Variants in LRP2 observed in about 807,000 individuals in gnomAD.
LRP2 encodes the protein low-density lipoprotein receptor-related protein 2.
Under a neutral mutation model 531.0 loss-of-function variants are expected in LRP2, and 172 were observed. That is an observed-to-expected ratio of 0.32 (90% CI 0.29 to 0.37). The LOEUF is 0.37. LRP2 is among the 10% of genes least tolerant of loss of function. The pLI, the probability that LRP2 is intolerant of heterozygous loss-of-function variation, is 1.00. For synonymous variants in LRP2, 1,992 were observed against 2,027.6 expected, an observed-to-expected ratio of 0.98 and a Z score of 0.47; for missense variants, 5,167 against 5,868.3, an observed-to-expected ratio of 0.88 and a Z score of 3.90.
At chr2:169,203,674 A>T (rs371362783) in intron 42 of LRP2, among the ~76,000 whole-genome samples, 2 of 152,156 alleles carry the variant, frequency 1.3e-5, no homozygotes, top group Non-Finnish European at 2.9e-5. Context: ...GGAGAATGGC[A>T]TGAACCCAGG....
intron 42 of LRP2, 45 bp downstream of exon 42, chr2:169,203,937 T>A (rs749869433): frequency 6.3e-7 from 1 of 1,598,236 alleles, no homozygotes; most frequent in East Asian, 2.2e-5. Flanking sequence ...ATTGGTATTG[T>A]GATCATTATT....
chr2:169,218,425 T>C (rs1688872297), intron 34 of LRP2, among the ~76,000 whole-genome samples: 2 of 152,158 alleles, frequency 1.3e-5, no homozygotes, highest in South Asian at 4.1e-4. Context: ...AGCACTATCA[T>C]CCCAATTTTT....
chr2:169,309,282 A>T (rs1684521645), intron 3 of LRP2, among the ~76,000 whole-genome samples: 1 of 152,036 alleles, frequency 6.6e-6, no homozygotes, highest in African/African-American at 2.4e-5. Context: ...GGTGTTTTAG[A>T]CATGAAGTCC....
rs541423576 is a variant in LRP2 at position 169,143,418 on chromosome 2, G to A, written c.12989-625C>T. On this transcript the variant is annotated intron_variant, in intron 70 of 78. Coordinates refer to ENST00000649046, the MANE Select transcript of LRP2 (RefSeq NM_004525.3). The stretch of plus-strand genomic sequence containing the variant: ...AGCACTTTGGGAGGCCGCTTTGGGC[G>A]GATCACGAGGTCAGGAGATCGAGAC... Among the ~76,000 whole-genome samples, 8 of 152,232 alleles carry A rather than the reference G, an allele frequency of 5.3e-5. No homozygotes were observed. In the East Asian group the frequency reaches 5.8e-4, roughly 11 times the overall value.
chr2:169,206,797 T>C lies in LRP2; in HGVS notation c.6923A>G (p.Glu2308Gly). ...TATCACTGTGGGTGGCTCTGTGTTCTCTGGTTCCTTGCTGGCTTGGAAGAT... is the reference window on the plus strand; with the variant it reads ...TATCACTGTGGGTGGCTCTGTGTTCCCTGGTTCCTTGCTGGCTTGGAAGAT... ...KKIFQASKEP[E>G]NTEPPTVIRD... Residue 2308 changes from glutamate (E) to glycine (G), a missense_variant, in exon 39 of 79, where the codon GAG (glutamate) becomes GGG (glycine). Physicochemically the swap from Glu to Gly is moderately conservative, Grantham distance 98. This residue lies in a region of LRP2 where 2,811 missense variants were observed against 3,058.0 expected (regional missense o/e 0.92). Coordinates refer to ENST00000649046, the MANE Select transcript of LRP2 (RefSeq NM_004525.3). 6.2e-7 allele frequency: 1 copy of C among 1,614,180 alleles called. No individual in the cohort carries two copies. Among genetic ancestry groups the C allele is most frequent in the East Asian group, 2.2e-5 (1 of 44,888 alleles).
chr2:169,294,107 C>T, intron 6 of LRP2, 41 bp downstream of exon 6: 1 of 1,387,600 alleles, frequency 7.2e-7, no homozygotes, highest in Non-Finnish European at 1.0e-6. Context: ...CAAAACAAAA[C>T]ACTCCCAACA....
chr2:169,244,455 G>A (rs1253021116), intron 22 of LRP2, among the ~76,000 whole-genome samples: 2 of 152,172 alleles, frequency 1.3e-5, no homozygotes, highest in Non-Finnish European at 2.9e-5. Flanking sequence ...GGCATCAGAG[G>A]CAGTCCTTGC....
Position 169,162,491 on chromosome 2 carries a change from C to G in LRP2, c.11868G>C (p.Trp3956Cys), listed in dbSNP as rs1686625152. Residue 3956 changes from tryptophan to cysteine, a missense_variant, in exon 63 of 79, where the codon TGG (tryptophan) becomes TGC (cysteine). Around this residue, in one of 6 missense-constraint regions of LRP2, gnomAD observed 564 missense variants for 747.7 expected, o/e 0.75. Transcript: ENST00000649046. The stretch of plus-strand genomic sequence containing the variant: ...ACTTACTGCAACCCAGTTCATCGGA[C>G]CAGTCACCACAGTCATCGGCATCAT... Reference protein sequence around the residue: ...VCDDADDCGDWSDELGCNKGK... With the variant: ...VCDDADDCGDCSDELGCNKGK... 1 of 1,614,082 alleles carries G rather than the reference C, an allele frequency of 6.2e-7. No individual in the cohort carries two copies. The highest frequency in any genetic ancestry group is 1.7e-5 in the Admixed American group (1 of 60,006).
intron 33 of LRP2, among the ~76,000 whole-genome samples, chr2:169,221,657 C>T (rs993599349): frequency 3.3e-5 from 5 of 152,182 alleles, no homozygotes; most frequent in South Asian, 2.1e-4. Context: ...CTCATACATG[C>T]GTGTGCACGT....
chr2:169,319,265 A>G (rs1684848982), intron 2 of LRP2, among the ~76,000 whole-genome samples: 1 of 152,234 alleles, frequency 6.6e-6, no homozygotes, highest in Admixed American at 6.5e-5. Context: ...ATGAACTGGA[A>G]AATTCATGAG....
chr2:169,248,466 C>T (rs1269653226), intron 19 of LRP2, among the ~76,000 whole-genome samples: 1 of 152,214 alleles, frequency 6.6e-6, no homozygotes, highest in East Asian at 1.9e-4. Flanking sequence ...AAGGCATCCT[C>T]ATATACTTAA....
chr2:169,320,677 G>T, intron 2 of LRP2, 100 bp downstream of exon 2: 1 of 971,838 alleles, frequency 1.0e-6, no homozygotes, highest in Non-Finnish European at 1.7e-6. Flanking sequence ...ACCTGGCTCT[G>T]TCACTAAAAG....
At position 169,239,693 on chromosome 2, in the gene LRP2, T is replaced by C. The variant is rs755371418; in HGVS notation, c.4128A>G (p.Pro1376=). The change falls in exon 26 of 79, where the codon CCA becomes CCG. Residue 1376 remains proline (P), a synonymous_variant. Transcript: ENST00000649046. The part of the protein sequence containing the change: ...QEPFGAKCLC[P]LGFLLANDSK... ...AATCATTGGCAAGTAAGAATCCCAA[T>C]GGACATAGGCATTTAGCCCCAAAGG... 1.9e-6 allele frequency: 3 copies of C among 1,613,974 alleles called. No individual in the cohort carries two copies. Among genetic ancestry groups the C allele is most frequent in the South Asian group, 1.1e-5 (1 of 91,074 alleles).
chr2:169,184,958 G>A (rs537622680), intron 50 of LRP2, among the ~76,000 whole-genome samples: 23 of 151,956 alleles, frequency 1.5e-4, no homozygotes, highest in African/African-American at 4.1e-4. Flanking sequence ...GACAGATTTC[G>A]CCATGTTGCC....
At chr2:169,260,105 C>T (rs1331738274) in intron 16 of LRP2, among the ~76,000 whole-genome samples, 3 of 152,078 alleles carry the variant, frequency 2.0e-5, no homozygotes, top group Non-Finnish European at 2.9e-5. Flanking sequence ...AGTATCGTTC[C>T]TATTCTACAG....
At chr2:169,239,478 A>C (rs374951037) in intron 26 of LRP2, 49 bp downstream of exon 26, 161 of 1,613,526 alleles carry the variant, frequency 1.0e-4, no homozygotes, top group Non-Finnish European at 1.3e-4. Context: ...ATTTGATTTT[A>C]AGCTCTGGGA....
At position 169,187,131 on chromosome 2, in the gene LRP2, T is replaced by A. The variant is rs1318922803; in HGVS notation, c.9328+839A>T. 3.9e-5 allele frequency among the ~76,000 whole-genome samples: 6 copies of A among 152,254 alleles called. No homozygotes were observed. The East Asian group carries it at 9.6e-4, about 24-fold the overall frequency. On this transcript the variant is annotated intron_variant, in intron 49 of 78. Transcript: ENST00000649046. ...ATGTGCGGGATGTGCAAGTTTGTTA[T>A]AATAGGTAAACACGTGCCATGGTGG... is the stretch of plus-strand genomic sequence containing the variant.
intron 63 of LRP2, among the ~76,000 whole-genome samples, chr2:169,158,735 T>C (rs1686451342): frequency 6.6e-6 from 1 of 151,590 alleles, no homozygotes; most frequent in South Asian, 2.1e-4. Context: ...TTCTTACATA[T>C]ACATATGCAA....
rs764906118 is a variant in LRP2, at chr2:169,243,452, G to A, written c.3501C>T (p.Val1167=). 18 of 1,613,974 alleles carry A rather than the reference G, an allele frequency of 1.1e-5. No individual in the cohort carries two copies. The highest frequency in any genetic ancestry group is 1.3e-5 in the African/African-American group (1 of 74,908). Reference sequence around the variant, plus strand: ...CAACACAATCCTTGTCACCATCACAGACAAACGATAGGTCAATACATCGAT... The same window carrying A: ...CAACACAATCCTTGTCACCATCACAAACAAACGATAGGTCAATACATCGAT... ...PNHRCIDLSF[V]CDGDKDCVDG... The change falls in exon 23 of 79, where the codon GTC becomes GTT. Residue 1167 remains valine, a synonymous_variant. Coordinates refer to ENST00000649046, the MANE Select transcript of LRP2 (RefSeq NM_004525.3).
Sources: gnomAD v4.1 joint callset for allele counts (sites outside exome capture counted in the v4.1 genomes callset) on GRCh38, gnomAD v4.1.1 for gene constraint, gnomAD v4.1.1 regional missense constraint, MANE v1.5 for transcripts, NCBI Gene and HGNC (gene_info 2026-07-23, HGNC 2026-07-21) for gene names.